The following STK32B variants were observed in gnomAD, a reference collection of about 807,000 sequenced individuals.
STK32B encodes serine/threonine kinase 32B, also known as serine/threonine-protein kinase 32B.
Under a neutral mutation model 52.6 loss-of-function variants are expected in STK32B, and 43 were observed. That is an observed-to-expected ratio of 0.82 (90% confidence interval 0.64 to 1.05). The LOEUF (loss-of-function observed/expected upper bound fraction) is 1.05. Among genes scored for constraint, STK32B ranks in the 50% least tolerant of loss-of-function variants. The probability of loss-of-function intolerance (pLI) is 0.00; values close to 1 mark genes in which losing one functional copy is unlikely to be tolerated. For synonymous variants in STK32B, 238 were observed against 204.3 expected (o/e 1.17, Z -1.41); for missense variants, 621 against 534.6 (o/e 1.16, Z -1.59).
In STK32B at chr4:5,317,088, A is replaced by ATAATATATTATATATT. The variant is rs1560312798; in HGVS notation, c.261-14132_261-14131insTAATATATTATATATT. ...ATAATATATTATATATTATATATAT[A>ATAATATATTATATATT]ATATATATGATATAATATATAATAT... On this transcript the variant is annotated intron_variant, in intron 3 of 11. Transcript: ENST00000282908. Among the ~76,000 whole-genome samples, 2 of 34,090 alleles carry ATAATATATTATATATT rather than the reference A, an allele frequency of 5.9e-5. 1 individual carries two copies. The highest frequency in any genetic ancestry group is 5.8e-4 in the African/African-American group (2 of 3,466). The allele number at this position is 34,090 out of a possible 152,430, so 22.4% of individuals were successfully genotyped here.
intron 3 of STK32B, among the ~76,000 whole-genome samples, chr4:5,215,282 A>G (rs373577794): frequency 6.6e-6 from 1 of 152,212 alleles, no homozygotes; most frequent in East Asian, 1.9e-4. Context: ...AATTCTCAAC[A>G]GTTAGTTGAT....
At chr4:5,476,300 G>A (rs546720032) in intron 11 of STK32B, among the ~76,000 whole-genome samples, 5 of 152,112 alleles carry the variant, frequency 3.3e-5, no homozygotes, top group Non-Finnish European at 7.3e-5. Context: ...TCCACACATA[G>A]GTCTGAGGGA....
intron 11 of STK32B, among the ~76,000 whole-genome samples, chr4:5,479,603 C>A (rs1278142218): frequency 6.6e-6 from 1 of 152,200 alleles, no homozygotes; most frequent in Admixed American, 6.5e-5. Flanking sequence ...AGGACTTGAG[C>A]TATTCCCAGA....
At chr4:5,026,524 T>C in the STK32B span, among the ~76,000 whole-genome samples, 1 of 152,212 alleles carries the variant, frequency 6.6e-6, no homozygotes, top group African/African-American at 2.4e-5. Flanking sequence ...GAGAACTCAC[T>C]CACCATCATG....
chr4:5,478,758 TGGA>T lies in STK32B; in HGVS notation c.1106+10693_1106+10695del, dbSNP rs72095338. On this transcript the variant is annotated intron_variant, in intron 11 of 11. Transcript: ENST00000282908. ...AGCCAAGGTGTTACTCCCCGGAGGC[TGGA>T]GGAGATGAGGGGATGGAGAGCCTCA... Among the ~76,000 whole-genome samples the T allele has an allele frequency of 6.2e-3, 948 of 152,320 alleles. 13 individuals carry two copies. Among genetic ancestry groups the T allele is most frequent in the African/African-American group, 0.022 (896 of 41,580 alleles).
chr4:5,415,132 T>C (rs778363494), intron 5 of STK32B, among the ~76,000 whole-genome samples: 9 of 152,222 alleles, frequency 5.9e-5, no homozygotes, highest in Non-Finnish European at 1.2e-4. Context: ...AGATTTGTCC[T>C]GGCTGGAGAA....
intron 3 of STK32B, among the ~76,000 whole-genome samples, chr4:5,307,839 C>T (rs563185412): frequency 3.3e-5 from 5 of 152,140 alleles, no homozygotes; most frequent in African/African-American, 9.6e-5. Context: ...GTGGTGCTTT[C>T]CCCTTTCCCC....
intron 11 of STK32B, among the ~76,000 whole-genome samples, chr4:5,485,597 A>G (rs1719103172): frequency 6.6e-6 from 1 of 152,154 alleles, no homozygotes; most frequent in Non-Finnish European, 1.5e-5. Context: ...TGTCAAAGTC[A>G]TTCTCCCTCC....
At chr4:5,262,105 C>T (rs1216789893) in intron 3 of STK32B, among the ~76,000 whole-genome samples, 2 of 152,104 alleles carry the variant, frequency 1.3e-5, no homozygotes, top group Non-Finnish European at 2.9e-5. Context: ...TAACAGTTTC[C>T]TCCCCATGTT....
chr4:5,140,084 A>G, intron 2 of STK32B, 124 bp downstream of exon 2: 1 of 1,481,690 alleles, frequency 6.7e-7, no homozygotes, highest in African/African-American at 1.4e-5. Flanking sequence ...GACAAACTTG[A>G]AATGTGAAAG....
At chr4:5,308,104 C>A (rs62300000) in intron 3 of STK32B, among the ~76,000 whole-genome samples, 1 of 152,104 alleles carries the variant, frequency 6.6e-6, no homozygotes, top group Non-Finnish European at 1.5e-5. Flanking sequence ...TGTTGTTTAG[C>A]CTCCAGCCAG....
chr4:5,242,477 G>C (rs547068995), intron 3 of STK32B, among the ~76,000 whole-genome samples: 1 of 152,148 alleles, frequency 6.6e-6, no homozygotes, highest in African/African-American at 2.4e-5. Flanking sequence ...CTGGATATTA[G>C]CCCTTTGTCA....
intron 3 of STK32B, among the ~76,000 whole-genome samples, chr4:5,202,298 G>A (rs528702797): frequency 2.3e-4 from 35 of 152,366 alleles, no homozygotes; most frequent in African/African-American, 7.2e-4. Context: ...TGTTACAAAG[G>A]TTGGGCTCCC....
chr4:5,122,198 A>C (rs1224625107), intron 1 of STK32B, among the ~76,000 whole-genome samples: 7 of 151,878 alleles, frequency 4.6e-5, no homozygotes, highest in African/African-American at 1.7e-4. Flanking sequence ...TCACTCATTC[A>C]CTCATTCTTT....
intron 3 of STK32B, among the ~76,000 whole-genome samples, chr4:5,257,800 C>G (rs763272040): frequency 6.6e-5 from 10 of 152,212 alleles, no homozygotes; most frequent in Middle Eastern, 3.4e-3. Context: ...AAAATTAGCT[C>G]TGTGTGGCGG....
intron 2 of STK32B, among the ~76,000 whole-genome samples, chr4:5,149,759 C>G (rs1406481225): frequency 6.6e-6 from 1 of 151,380 alleles, no homozygotes; most frequent in Non-Finnish European, 1.5e-5. Flanking sequence ...GAATATATTG[C>G]TATTAGGTGT....
At chr4:5,426,705 A>AAAAAAAAAAAC (rs1713136541) in intron 6 of STK32B, among the ~76,000 whole-genome samples, 1 of 150,882 alleles carries the variant, frequency 6.6e-6, no homozygotes, top group Non-Finnish European at 1.5e-5. Context: ...AAAAAAAAAA[A>AAAAAAAAAAAC]AAAAAAAAAG....
Position 5,433,092 on chromosome 4 carries a change from GC to G in STK32B, c.563-13577del, listed in dbSNP as rs540773569. ...GGGCAGCTGGAGTTGGGATTAAAGA[GC>G]CCCAGGCTGGAGACAGGCAAGTGGT... On this transcript the variant is annotated intron_variant, in intron 6 of 11. Transcript: ENST00000282908. 3.4e-3 allele frequency among the ~76,000 whole-genome samples: 513 copies of G among 152,194 alleles called. 2 individuals are homozygous for G. Among genetic ancestry groups the G allele is most frequent in the Non-Finnish European group, 5.7e-3 (386 of 68,014 alleles).
At chr4:5,122,628 TTCAC>T (rs1715126363) in intron 1 of STK32B, among the ~76,000 whole-genome samples, 1 of 152,078 alleles carries the variant, frequency 6.6e-6, no homozygotes. Context: ...CCCTGACTCA[TTCAC>T]TCACTCACTC....
Sources: allele counts gnomAD v4.1 joint callset (sites outside exome capture counted in the v4.1 genomes callset), GRCh38; gene constraint gnomAD v4.1.1; transcripts MANE v1.5; gene names NCBI Gene and HGNC (gene_info 2026-07-23, HGNC 2026-07-21).